The following ENAH variants were observed in gnomAD, a reference collection of about 807,000 sequenced individuals.
ENAH encodes protein enabled homolog.
A neutral mutation model predicts 78.7 loss-of-function variants in ENAH; 23 were observed. That is an observed-to-expected ratio of 0.29 (90% CI 0.21 to 0.41). The LOEUF (loss-of-function observed/expected upper bound fraction) is 0.41, where lower values mean the gene tolerates loss of function less well. Among genes scored for constraint, ENAH ranks in the 10% least tolerant of loss-of-function variants. ENAH has a pLI of 1.00. For missense variants in ENAH, 544 were observed against 691.0 expected (o/e 0.79, Z 2.39); for synonymous variants, 226 against 241.0 (o/e 0.94, Z 0.58).
chr1:225,618,008 C>T (rs1656106261), intron 1 of ENAH, among the ~76,000 whole-genome samples: 1 of 152,152 alleles, frequency 6.6e-6, no homozygotes, highest in African/African-American at 2.4e-5. Context: ...GGAAAGTTAT[C>T]AGTCAGAAGC....
chr1:225,605,235 G>T (rs565938030), intron 1 of ENAH, among the ~76,000 whole-genome samples: 24 of 152,270 alleles, frequency 1.6e-4, no homozygotes, highest in African/African-American at 5.8e-4. Flanking sequence ...ATCTACACTC[G>T]AAATTGACAC....
chr1:225,523,918 G>A (rs949279433), intron 4 of ENAH, among the ~76,000 whole-genome samples: 3 of 152,114 alleles, frequency 2.0e-5, no homozygotes, highest in African/African-American at 2.4e-5. Context: ...TAATAGAATC[G>A]TCTGAGGACT....
chr1:225,583,612 A>G (rs2096830533), intron 1 of ENAH, among the ~76,000 whole-genome samples: 1 of 151,478 alleles, frequency 6.6e-6, no homozygotes, highest in African/African-American at 2.4e-5. Flanking sequence ...GGAGTTCATG[A>G]CCAGCCTAAC....
chr1:225,582,964 T>C (rs769391535), intron 1 of ENAH, among the ~76,000 whole-genome samples: 14 of 152,148 alleles, frequency 9.2e-5, no homozygotes, highest in Non-Finnish European at 1.8e-4. Flanking sequence ...AATGAAACTT[T>C]ACATAAAGAA....
chr1:225,608,487 A>G (rs2096969300), intron 1 of ENAH, among the ~76,000 whole-genome samples: 1 of 151,906 alleles, frequency 6.6e-6, no homozygotes, highest in Non-Finnish European at 1.5e-5. Context: ...AGAAGATCCT[A>G]AAGGTTTCCA....
chr1:225,589,872 T>C (rs903364011), intron 1 of ENAH, among the ~76,000 whole-genome samples: 6 of 152,188 alleles, frequency 3.9e-5, no homozygotes, highest in African/African-American at 1.4e-4. Flanking sequence ...AAATTAAGCA[T>C]GTGTGCACTC....
At chr1:225,645,939 G>A (rs959710725) in intron 1 of ENAH, among the ~76,000 whole-genome samples, 3 of 152,114 alleles carry the variant, frequency 2.0e-5, no homozygotes, top group Non-Finnish European at 4.4e-5. Context: ...ACCCAAAGTA[G>A]TCTTTGGAAA....
At chr1:225,646,518 C>A (rs1661989151) in intron 1 of ENAH, among the ~76,000 whole-genome samples, 1 of 152,112 alleles carries the variant, frequency 6.6e-6, no homozygotes, top group East Asian at 1.9e-4. Context: ...GCCTCCAGAA[C>A]CTTAAAATAA....
At chr1:225,570,700 G>A (rs2096757355) in intron 1 of ENAH, among the ~76,000 whole-genome samples, 2 of 152,052 alleles carry the variant, frequency 1.3e-5, no homozygotes, top group Non-Finnish European at 2.9e-5. Flanking sequence ...GCTCACACCT[G>A]TAATCCTAGC....
rs2096248707 is a variant in ENAH at position 225,496,080 on chromosome 1, G to C, written c.*1695C>G. On this transcript the variant is annotated 3_prime_UTR_variant, in exon 14 of 14. Transcript: ENST00000366843. ...GAAAGTGAATTATTTCAAAGTTTTA[G>C]TAAAACTTCTGATAATCAGAGTTCA... is the stretch of plus-strand genomic sequence containing the variant. The C allele has an allele frequency of 6.6e-6, 1 of 152,588 alleles. No individual in the cohort carries two copies. The highest frequency in any genetic ancestry group is 1.5e-5 in the Non-Finnish European group (1 of 68,012). The allele number at this position is 152,588 out of a possible 1,614,324, so 9.5% of individuals were successfully genotyped here. A position where few individuals can be genotyped will look rare whatever the true frequency, so the allele number is the denominator to read the frequency against.
intron 1 of ENAH, among the ~76,000 whole-genome samples, chr1:225,572,315 A>G (rs1471740267): frequency 2.6e-5 from 4 of 152,196 alleles, no homozygotes; most frequent in African/African-American, 7.2e-5. Context: ...CATCAAAAGC[A>G]GACTAGATAA....
intron 5 of ENAH, chr1:225,517,617 T>C (rs1455571438): frequency 1.9e-6 from 3 of 1,549,782 alleles, no homozygotes; most frequent in Non-Finnish European, 1.7e-6. Flanking sequence ...TTGGAGGAGA[T>C]GGAGGGAGGG....
At chr1:225,622,479 T>C (rs1657166464) in intron 1 of ENAH, among the ~76,000 whole-genome samples, 1 of 152,224 alleles carries the variant, frequency 6.6e-6, no homozygotes, top group Non-Finnish European at 1.5e-5. Flanking sequence ...ATAAGCTATG[T>C]GTCTTAGTTG....
intron 1 of ENAH, among the ~76,000 whole-genome samples, chr1:225,641,469 TAA>T (rs76444455): frequency 2.7e-4 from 14 of 52,262 alleles, no homozygotes; most frequent in Admixed American, 6.8e-4. Flanking sequence ...ACTCCATCTC[TAA>T]AAAAAAAAAA....
intron 1 of ENAH, among the ~76,000 whole-genome samples, chr1:225,591,583 G>C (rs2096876302): frequency 6.6e-6 from 1 of 151,276 alleles, no homozygotes; most frequent in Non-Finnish European, 1.5e-5. Flanking sequence ...TGGCCAACAT[G>C]GTGAAACCCT....
chr1:225,629,816 CCA>C (rs1405095883), intron 1 of ENAH, among the ~76,000 whole-genome samples: 1 of 152,160 alleles, frequency 6.6e-6, no homozygotes, highest in Non-Finnish European at 1.5e-5. Flanking sequence ...ACAATTAACT[CCA>C]GATTATTCGT....
chr1:225,639,896 T>A (rs890421572), intron 1 of ENAH, among the ~76,000 whole-genome samples: 2 of 152,208 alleles, frequency 1.3e-5, no homozygotes, highest in African/African-American at 4.8e-5. Context: ...ACCCACTGAC[T>A]GTAGTATGTG....
rs375587536 is a variant in ENAH, at chr1:225,554,530, T to C, written c.349+376A>G. On this transcript the variant is annotated intron_variant, in intron 3 of 13. Transcript: ENST00000366843. Reference sequence around the variant, plus strand: ...ATGTCTTTCAGAAAACATGTGTTTCTTTACACAAAGATGATAAATAAGCAT... The same window carrying C: ...ATGTCTTTCAGAAAACATGTGTTTCCTTACACAAAGATGATAAATAAGCAT... 1.2e-4 allele frequency among the ~76,000 whole-genome samples: 18 copies of C among 152,304 alleles called. No homozygotes were observed. The South Asian group carries it at 3.5e-3, about 30-fold the overall frequency.
At chr1:225,543,393 T>C (rs927169914) in intron 3 of ENAH, among the ~76,000 whole-genome samples, 1 of 152,244 alleles carries the variant, frequency 6.6e-6, no homozygotes, top group Non-Finnish European at 1.5e-5. Context: ...TGAATGACAA[T>C]GTAATAGCCA....
Sources: allele counts gnomAD v4.1 joint callset (sites outside exome capture counted in the v4.1 genomes callset), GRCh38; gene constraint gnomAD v4.1.1; transcripts MANE v1.5; gene names NCBI Gene and HGNC (gene_info 2026-07-23, HGNC 2026-07-21).